INTS8: variants seen among roughly 807,000 people sequenced by gnomAD.
INTS8 encodes the protein protein kaonashi-1.
A neutral mutation model predicts 138.9 loss-of-function variants in INTS8; 47 were observed. That is an observed-to-expected ratio of 0.34 (90% confidence interval 0.27 to 0.43). The LOEUF is 0.43. Ranked by LOEUF, INTS8 falls within the 20% of genes least tolerant of loss-of-function variation. The pLI is 1.00. For missense variants in INTS8, 996 were observed against 1,173.0 expected (o/e 0.85, Z 2.20); for synonymous variants, 392 against 400.9 (o/e 0.98, Z 0.27).
intron 16 of INTS8, among the ~76,000 whole-genome samples, chr8:94,863,783 C>A (rs1816079421): frequency 6.6e-6 from 1 of 152,164 alleles, no homozygotes; most frequent in Non-Finnish European, 1.5e-5. Context: ...GAGCTAAGAG[C>A]TACAGTAGCC....
intron 26 of INTS8, 135 bp from the exon 27 acceptor site, chr8:94,879,983 G>A (rs1417627461): frequency 1.7e-6 from 1 of 605,570 alleles, no homozygotes; most frequent in African/African-American, 1.9e-5. Context: ...CAAGACTCCT[G>A]GGTTTTACAG....
At position 94,823,465 on chromosome 8, in the gene INTS8, A is replaced by ACCTCCAGCCGGCCC; in HGVS notation, c.35_48dup (p.Cys17ProfsTer40). ...GGAGGCGGCGGACCGGGAGGCGGCC[A>ACCTCCAGCCGGCCC]CCTCCAGCCGGCCCTGCACCCCGCC... On this transcript the variant is annotated frameshift_variant, in exon 1 of 27. Coordinates refer to ENST00000523731, the MANE Select transcript of INTS8 (RefSeq NM_017864.4). LOFTEE classifies it high-confidence loss of function. 1.3e-6 allele frequency: 2 copies of ACCTCCAGCCGGCCC among 1,543,516 alleles called. No homozygotes were observed. The highest frequency in any genetic ancestry group is 1.7e-6 in the Non-Finnish European group (2 of 1,144,946).
chr8:94,874,493 C>T, intron 22 of INTS8, 59 bp from the exon 23 acceptor site: 1 of 927,568 alleles, frequency 1.1e-6, no homozygotes, highest in South Asian at 1.3e-5. Flanking sequence ...CAGAGTGACA[C>T]ATTTGTTAGA....
At chr8:94,843,938 CTTCA>C (rs1815231945) in intron 10 of INTS8, among the ~76,000 whole-genome samples, 1 of 149,762 alleles carries the variant, frequency 6.7e-6, no homozygotes, top group South Asian at 2.1e-4. Context: ...TTCTACAACT[CTTCA>C]TTTAATTTTT....
At chr8:94,850,351 G>T (rs576764693) in intron 12 of INTS8, among the ~76,000 whole-genome samples, 1 of 152,150 alleles carries the variant, frequency 6.6e-6, no homozygotes, top group Non-Finnish European at 1.5e-5. Context: ...GGTGGCTCAC[G>T]CCTGTAATCC....
In INTS8 at chr8:94,865,635, G is replaced by A. The variant is rs1399860772; in HGVS notation, c.2206G>A (p.Asp736Asn). 7 of 1,614,040 alleles carry A rather than the reference G, an allele frequency of 4.3e-6. No individual in the cohort carries two copies. The South Asian group carries it at 4.4e-5, about 10-fold the overall frequency. Reference sequence around the variant, plus strand: ...GTCCAGTCAGCACAAACGAGGAAATGATGGCAGAGTTAGTTTAATAAAACA... The same window carrying A: ...GTCCAGTCAGCACAAACGAGGAAATAATGGCAGAGTTAGTTTAATAAAACA... ...SVSSQHKRGN[D>N]GRVSLIKQRE... The change falls in exon 17 of 27, where the codon GAT becomes AAT. Residue 736 changes from aspartate to asparagine, a missense_variant. Asp to Asn is a conservative substitution (Grantham distance 23). Transcript: ENST00000523731.
At chr8:94,849,882 CTTTT>C in intron 11 of INTS8, 30 bp from the exon 12 acceptor site, 5 of 1,494,696 alleles carry the variant, frequency 3.3e-6, no homozygotes, top group Non-Finnish European at 3.6e-6. Context: ...AAATTATACA[CTTTT>C]TTGTTTTACA....
rs180687593 is a variant in INTS8, at chr8:94,868,173, G to A, written c.2414+836G>A. On this transcript the variant is annotated intron_variant, in intron 20 of 26. Transcript: ENST00000523731. ...GGGACTTTTTTTAGGGGAGGAAAAA[G>A]GGTTCATTTACTTGAAGAAATCATG... 1.6e-4 allele frequency among the ~76,000 whole-genome samples: 24 copies of A among 152,216 alleles called. 1 individual carries two copies. The Middle Eastern group carries it at 0.017, about 108-fold the overall frequency.
chr8:94,876,647 A>G (rs1816575912), intron 26 of INTS8, 158 bp downstream of exon 26: 1 of 539,146 alleles, frequency 1.9e-6, no homozygotes, highest in African/African-American at 1.9e-5. Flanking sequence ...TGATAATTTT[A>G]ACTGTTCCAT....
Position 94,876,254 on chromosome 8 carries a change from A to G in INTS8, c.2796A>G (p.Ile932Met). 2 of 1,612,526 alleles carry G rather than the reference A, an allele frequency of 1.2e-6. No individual in the cohort carries two copies. Among genetic ancestry groups the G allele is most frequent in the Non-Finnish European group, 8.5e-7 (1 of 1,178,982 alleles). Residue 932 changes from isoleucine (I) to methionine (M), a missense_variant, in exon 25 of 27, where the codon ATA (isoleucine) becomes ATG (methionine). Transcript: ENST00000523731. ...CTATGGACTCCTACTACGACTACATATGGGATGTTACCATTTTGGAATACT... is the reference window on the plus strand; with the variant it reads ...CTATGGACTCCTACTACGACTACATGTGGGATGTTACCATTTTGGAATACT... ...HDAMDSYYDY[I>M]WDVTILEYLT...
chr8:94,845,100 T>A (rs1189934358), intron 10 of INTS8, among the ~76,000 whole-genome samples: 1 of 152,204 alleles, frequency 6.6e-6, no homozygotes, highest in African/African-American at 2.4e-5. Context: ...AATATCAAAT[T>A]TACCGATTTT....
chr8:94,828,011 C>G (rs893926526), intron 4 of INTS8, among the ~76,000 whole-genome samples: 3 of 150,990 alleles, frequency 2.0e-5, no homozygotes, highest in Non-Finnish European at 4.4e-5. Flanking sequence ...GGGAATTGTG[C>G]CATTTATCTG....
Position 94,840,701 on chromosome 8 carries a change from G to T in INTS8, c.1018-790G>T, listed in dbSNP as rs374846457. Among the ~76,000 whole-genome samples the T allele has an allele frequency of 1.4e-4, 21 of 151,688 alleles. 2 individuals are homozygous for T. The highest frequency in any genetic ancestry group is 9.2e-4 in the Admixed American group (14 of 15,210). On this transcript the variant is annotated intron_variant, in intron 8 of 26. Coordinates refer to ENST00000523731, the MANE Select transcript of INTS8 (RefSeq NM_017864.4). The stretch of plus-strand genomic sequence containing the variant: ...GCCTCCCGAGTAGCTGGGATTACAG[G>T]CGCCTGCCAACGTGCCTGGCTAATT...
At chr8:94,865,831 T>C in intron 17 of INTS8, 141 bp downstream of exon 17, 1 of 767,482 alleles carries the variant, frequency 1.3e-6, no homozygotes, top group Non-Finnish European at 2.1e-6. Flanking sequence ...TTACGAGTTC[T>C]GTAGTACTCA....
chr8:94,869,579 G>A (rs541849085), intron 20 of INTS8, among the ~76,000 whole-genome samples: 18 of 152,084 alleles, frequency 1.2e-4, no homozygotes, highest in Middle Eastern at 3.4e-3. Context: ...TGCAACCTCC[G>A]CCTCCCGGGT....
In INTS8 at chr8:94,851,655, C is replaced by T. The variant is rs779872707; in HGVS notation, c.1610C>T (p.Ser537Leu). ...QILIELHGMT[S>L]ERQFWTVSNK... is the part of the protein sequence containing the mutation. The stretch of plus-strand genomic sequence containing the variant: ...TTAATTGAATTACATGGTATGACTT[C>T]AGAGCGCCAGTTCTGGACAGTGTCT... Residue 537 changes from serine (S) to leucine (L), a missense_variant, in exon 13 of 27, where the codon TCA becomes TTA. By Grantham distance (145) the Ser-to-Leu change is moderately radical (BLOSUM62 -2). Transcript: ENST00000523731. The T allele has an allele frequency of 1.9e-6, 3 of 1,602,918 alleles. No individual in the cohort carries two copies. The highest frequency in any genetic ancestry group is 1.1e-5 in the South Asian group (1 of 89,148).
Position 94,838,626 on chromosome 8 carries a change from G to T in INTS8, c.1017+8G>T. The T allele has an allele frequency of 6.3e-7, 1 of 1,599,684 alleles. No homozygotes were observed. The highest frequency in any genetic ancestry group is 8.6e-7 in the Non-Finnish European group (1 of 1,168,766). On this transcript the variant is annotated splice_region_variant and intron_variant, in intron 8 of 26. Transcript: ENST00000523731. The stretch of plus-strand genomic sequence containing the variant: ...AGATCTGGCAACTATCAGGTAAGGT[G>T]TATGAGGGGGATGCAGTGAAGTTTT...
rs778527492 is a variant in INTS8 at position 94,853,900 on chromosome 8, C to T, written c.1737C>T (p.His579=). The T allele has an allele frequency of 1.3e-5, 20 of 1,580,742 alleles. No homozygotes were observed. Among genetic ancestry groups the T allele is most frequent in the Middle Eastern group, 3.3e-4 (2 of 6,028 alleles). The change falls in exon 14 of 27, where the codon CAC becomes CAT. Residue 579 remains histidine (H), a synonymous_variant. Coordinates refer to ENST00000523731, the MANE Select transcript of INTS8 (RefSeq NM_017864.4). ...ATATTCTTATGGCCAAAGGTTTGCACTGCAGTACTGTTAAGGTGAGTAAAA... is the reference window on the plus strand; with the variant it reads ...ATATTCTTATGGCCAAAGGTTTGCATTGCAGTACTGTTAAGGTGAGTAAAA... ...LVYILMAKGL[H]CSTVKDFSHA... is the part of the protein sequence containing the mutation.
At chr8:94,830,731 C>T (rs577220808) in intron 5 of INTS8, among the ~76,000 whole-genome samples, 2 of 152,302 alleles carry the variant, frequency 1.3e-5, no homozygotes, top group Admixed American at 6.5e-5. Flanking sequence ...CTTCTGGACT[C>T]AAGCGATCCA....
Sources: allele counts gnomAD v4.1 joint callset (sites outside exome capture counted in the v4.1 genomes callset), GRCh38; gene constraint gnomAD v4.1.1; transcripts MANE v1.5; gene names NCBI Gene and HGNC (gene_info 2026-07-23, HGNC 2026-07-21).